The following LRP6 variants were observed in gnomAD, a reference collection of about 807,000 sequenced individuals.
LRP6 encodes the protein low-density lipoprotein receptor-related protein 6.
In LRP6, 43 loss-of-function variants were observed where a neutral mutation model predicts 184.1. The observed-to-expected ratio is 0.23, with a 90% CI of 0.18 to 0.30. The LOEUF (loss-of-function observed/expected upper bound fraction) is 0.30. LRP6 is among the 10% of genes least tolerant of loss of function. The pLI is 1.00. For synonymous variants in LRP6, 719 were observed against 684.9 expected, an observed-to-expected ratio of 1.05 and a Z score of -0.78; for missense variants, 1,571 against 2,005.3, an observed-to-expected ratio of 0.78 and a Z score of 4.14.
At chr12:12,231,418 G>T (rs1388308010) in intron 2 of LRP6, among the ~76,000 whole-genome samples, 2 of 151,912 alleles carry the variant, frequency 1.3e-5, no homozygotes, top group African/African-American at 4.8e-5. Context: ...AGCCTTTTTT[G>T]TCTTGCCCTA....
At chr12:12,152,954 ACT>A in intron 12 of LRP6, among the ~76,000 whole-genome samples, 1 of 152,254 alleles carries the variant, frequency 6.6e-6, no homozygotes, top group South Asian at 2.1e-4. Flanking sequence ...AAAAACCCAC[ACT>A]CAGCTTGGAA....
rs190994188 is a variant in LRP6, at chr12:12,156,329, C to A, written c.2791+2500G>T. Among the ~76,000 whole-genome samples the A allele has an allele frequency of 3.9e-5, 6 of 152,240 alleles. No individual in the cohort carries two copies. The East Asian group carries it at 1.2e-3, about 29-fold the overall frequency. On this transcript the variant is annotated intron_variant, in intron 12 of 22. Transcript: ENST00000261349. Reference sequence around the variant, plus strand: ...GTTCAACAGTCATGAAGCGGGAGTACCCGGCCTAGCTGAAACCAGCAACGA... The same window carrying A: ...GTTCAACAGTCATGAAGCGGGAGTAACCGGCCTAGCTGAAACCAGCAACGA...
At chr12:12,227,775 A>C (rs1427760865) in intron 2 of LRP6, among the ~76,000 whole-genome samples, 1 of 152,178 alleles carries the variant, frequency 6.6e-6, no homozygotes, top group East Asian at 1.9e-4. Flanking sequence ...CAGTGTAGTC[A>C]ATGATTTTAG....
intron 13 of LRP6, 65 bp downstream of exon 13, chr12:12,150,771 C>T: frequency 6.5e-7 from 1 of 1,543,552 alleles, no homozygotes; most frequent in Non-Finnish European, 8.9e-7. Flanking sequence ...TTAAGTGAAA[C>T]AGAGTGGTTG....
intron 1 of LRP6, among the ~76,000 whole-genome samples, chr12:12,251,940 G>C (rs1410499434): frequency 1.3e-5 from 2 of 151,994 alleles, no homozygotes; most frequent in African/African-American, 4.8e-5. Flanking sequence ...CACAATCATG[G>C]CTCATTGCAA....
chr12:12,230,605 A>G (rs1159391766), intron 2 of LRP6, among the ~76,000 whole-genome samples: 5 of 152,208 alleles, frequency 3.3e-5, no homozygotes, highest in Non-Finnish European at 7.3e-5. Context: ...TAAGTCATTA[A>G]TATACATATT....
At chr12:12,219,627 T>C (rs371991027) in intron 2 of LRP6, among the ~76,000 whole-genome samples, 2 of 152,200 alleles carry the variant, frequency 1.3e-5, no homozygotes, top group African/African-American at 2.4e-5. Flanking sequence ...AACCATTCCC[T>C]TTCATTCACA....
chr12:12,267,012 C>G lies in LRP6; in HGVS notation c.-277G>C. 2.0e-6 allele frequency: 1 copy of G among 501,628 alleles called. No individual in the cohort carries two copies. The highest frequency in any genetic ancestry group is 3.5e-6 in the Non-Finnish European group (1 of 286,500). The allele number at this position is 501,628 out of a possible 1,614,324, so 31.1% of individuals were successfully genotyped here. ...CGCTTCCCCCGCGCAGCTCCTCATT[C>G]AGCCTCTGCCTCGCGCAGCGGCGCA... On this transcript the variant is annotated 5_prime_UTR_variant, in exon 1 of 23. Coordinates refer to ENST00000261349, the MANE Select transcript of LRP6 (RefSeq NM_002336.3).
Position 12,148,996 on chromosome 12 carries a change from A to G in LRP6, c.3152T>C (p.Val1051Ala). The stretch of plus-strand genomic sequence containing the variant: ...AGGTCTGTCCTGCTCGCCTTTCAGC[A>G]CCACTCCAACTGATCTCCCATCTAA... The part of the protein sequence containing the change: ...TRLDGRSVGV[V>A]LKGEQDRPRA... The change falls in exon 14 of 23, where the codon GTG (valine) becomes GCG (alanine). Residue 1051 changes from valine to alanine, a missense_variant. Val to Ala is a moderately conservative substitution (Grantham distance 64). Around this residue, in one of 4 missense-constraint regions of LRP6, gnomAD observed 763 missense variants for 859.5 expected, o/e 0.89. Transcript: ENST00000261349. 6.2e-7 allele frequency: 1 copy of G among 1,614,022 alleles called. No individual in the cohort carries two copies. The highest frequency in any genetic ancestry group is 8.5e-7 in the Non-Finnish European group (1 of 1,179,992).
At chr12:12,146,187 A>G (rs1950003980) in intron 15 of LRP6, among the ~76,000 whole-genome samples, 1 of 152,230 alleles carries the variant, frequency 6.6e-6, no homozygotes, top group South Asian at 2.1e-4. Context: ...TTATACACTT[A>G]CATCGGTCTT....
rs746427916 is a variant in LRP6, at chr12:12,132,018, G to A, written c.3773C>T (p.Thr1258Met). The change falls in exon 18 of 23, where the codon ACG becomes ATG. Residue 1258 changes from threonine (T) to methionine (M), a missense_variant. Thr to Met is a moderately conservative substitution (Grantham distance 81, BLOSUM62 -1). Around this residue, in one of 4 missense-constraint regions of LRP6, gnomAD observed 763 missense variants for 859.5 expected, o/e 0.89. Transcript: ENST00000261349. ...TCSPQQFTCF[T>M]GEIDCIPVAW... ...CACAGGGATACAGTCAATTTCCCCCGTGAAACAAGTAAACTGCTGAGGAGA... is the reference window on the plus strand; with the variant it reads ...CACAGGGATACAGTCAATTTCCCCCATGAAACAAGTAAACTGCTGAGGAGA... The A allele has an allele frequency of 1.3e-5, 21 of 1,614,078 alleles. No homozygotes were observed. Among genetic ancestry groups the A allele is most frequent in the African/African-American group, 5.3e-5 (4 of 75,032 alleles).
rs974010561 is a variant in LRP6, at chr12:12,266,879, T to C, written c.-144A>G. 3 of 754,180 alleles carry C rather than the reference T, an allele frequency of 4.0e-6. No individual in the cohort carries two copies. Among genetic ancestry groups the C allele is most frequent in the African/African-American group, 3.5e-5 (2 of 56,682 alleles). 46.7% of individuals were successfully genotyped at this position (754,180 alleles called of 1,614,324 possible). A position where few individuals can be genotyped will look rare whatever the true frequency, so the allele number is the denominator to read the frequency against. On this transcript the variant is annotated 5_prime_UTR_variant, in exon 1 of 23. The change abolishes the stop of an existing upstream ORF in the 5' untranslated region. Coordinates refer to ENST00000261349, the MANE Select transcript of LRP6 (RefSeq NM_002336.3). ...GCGAGAGAAGAAAGAAAGGGGCACG[T>C]CAAGGTTCCGCGCGCGCCGCCGCCG... is the stretch of plus-strand genomic sequence containing the variant.
At chr12:12,230,086 T>C (rs1864742667) in intron 2 of LRP6, among the ~76,000 whole-genome samples, 1 of 152,206 alleles carries the variant, frequency 6.6e-6, no homozygotes, top group East Asian at 1.9e-4. Context: ...TAATGCTTTC[T>C]GGAAAATAAT....
chr12:12,245,826 G>A (rs534004732), intron 1 of LRP6, among the ~76,000 whole-genome samples: 156 of 151,844 alleles, frequency 1.0e-3, no homozygotes, highest in Non-Finnish European at 1.9e-3. Context: ...TACTTTCCTA[G>A]TATCAAGCAA....
chr12:12,172,869 T>C (rs1591913019), intron 7 of LRP6, among the ~76,000 whole-genome samples: 2 of 152,314 alleles, frequency 1.3e-5, no homozygotes, highest in Admixed American at 1.3e-4. Context: ...ACCACACACC[T>C]GTTTGAGAGA....
chr12:12,157,835 C>A (rs1862636238), intron 12 of LRP6, among the ~76,000 whole-genome samples: 1 of 152,108 alleles, frequency 6.6e-6, no homozygotes, highest in African/African-American at 2.4e-5. Context: ...TTGTTCTTGT[C>A]TATCCACCAA....
At chr12:12,164,190 G>A in intron 9 of LRP6, 83 bp downstream of exon 9, 8 of 1,249,568 alleles carry the variant, frequency 6.4e-6, no homozygotes, top group Admixed American at 1.8e-5. Context: ...AATGAGGGAG[G>A]TGGGTCACAG....
chr12:12,184,197 G>T, intron 4 of LRP6, 86 bp from the exon 5 acceptor site: 2 of 1,152,876 alleles, frequency 1.7e-6, no homozygotes, highest in Non-Finnish European at 2.6e-6. Flanking sequence ...ACTGTGATAA[G>T]CCAAAATTAT....
In LRP6 at chr12:12,120,022, T is replaced by A. The variant is rs1426301837; in HGVS notation, c.*1104A>T. On this transcript the variant is annotated 3_prime_UTR_variant, in exon 23 of 23. Coordinates refer to ENST00000261349, the MANE Select transcript of LRP6 (RefSeq NM_002336.3). Reference sequence around the variant, plus strand: ...ATATATATATATATATATATATATATATATATATATATATATATATAAATG... The same window carrying A: ...ATATATATATATATATATATATATAAATATATATATATATATATATAAATG... The A allele has an allele frequency of 2.1e-4, 24 of 113,000 alleles. No individual in the cohort carries two copies. Among genetic ancestry groups the A allele is most frequent in the South Asian group, 2.8e-4 (1 of 3,516 alleles). The allele number at this position is 113,000 out of a possible 1,614,324, so 7.0% of individuals were successfully genotyped here. A position where few individuals can be genotyped will look rare whatever the true frequency, so the allele number is the denominator to read the frequency against.
Sources: gnomAD v4.1 joint callset for allele counts (sites outside exome capture counted in the v4.1 genomes callset) on GRCh38, gnomAD v4.1.1 for gene constraint, gnomAD v4.1.1 regional missense constraint, MANE v1.5 for transcripts, NCBI Gene and HGNC (gene_info 2026-07-23, HGNC 2026-07-21) for gene names.